The following FRMD4A variants were observed in gnomAD, a reference collection of about 807,000 sequenced individuals.
FRMD4A encodes the protein FERM domain-containing protein 4A.
Under a neutral mutation model 129.1 loss-of-function variants are expected in FRMD4A, and 29 were observed. That is an observed-to-expected ratio of 0.22 (90% confidence interval 0.17 to 0.31). The LOEUF is 0.31. FRMD4A is among the 10% of genes least tolerant of loss of function. FRMD4A has a pLI of 1.00. For synonymous variants in FRMD4A, 634 were observed against 571.6 expected (o/e 1.11, Z -1.56); for missense variants, 1,272 against 1,375.8 (o/e 0.92, Z 1.19).
At position 14,294,660 on chromosome 10, in the gene FRMD4A, C is replaced by T. The variant is rs181758932; in HGVS notation, c.45+35398G>A. 3.7e-4 allele frequency among the ~76,000 whole-genome samples: 56 copies of T among 152,358 alleles called. No individual in the cohort carries two copies. The East Asian group carries it at 9.1e-3, about 25-fold the overall frequency. ...TTTTCTCTACAACAGTGAGCACATT[C>T]TGCATTGCGTTAACCTGCTGACACT... On this transcript the variant is annotated intron_variant, in intron 2 of 24. Transcript: ENST00000357447.
At chr10:13,736,834 A>G (rs1240381109) in intron 12 of FRMD4A, among the ~76,000 whole-genome samples, 1 of 152,262 alleles carries the variant, frequency 6.6e-6, no homozygotes, top group Non-Finnish European at 1.5e-5. Context: ...TCTGAATGAT[A>G]GCACTCGCCT....
chr10:14,029,301 G>T (rs1418127819), intron 2 of FRMD4A, among the ~76,000 whole-genome samples: 1 of 151,890 alleles, frequency 6.6e-6, no homozygotes, highest in Non-Finnish European at 1.5e-5. Context: ...GCATGAAGCT[G>T]GTCTCTCCTT....
chr10:13,817,651 C>G (rs950942011), intron 3 of FRMD4A, among the ~76,000 whole-genome samples: 1 of 152,224 alleles, frequency 6.6e-6, no homozygotes, highest in Non-Finnish European at 1.5e-5. Context: ...TTCCCCTGCA[C>G]AAGCTCTCTT....
chr10:13,707,707 A>G, intron 12 of FRMD4A: 1 of 985,546 alleles, frequency 1.0e-6, no homozygotes, highest in Non-Finnish European at 1.2e-6. Context: ...GGGGCAGGCA[A>G]CTCAAGATCA....
chr10:14,297,078 C>A (rs1202108854), intron 2 of FRMD4A, among the ~76,000 whole-genome samples: 1 of 152,118 alleles, frequency 6.6e-6, no homozygotes, highest in Non-Finnish European at 1.5e-5. Flanking sequence ...CAAAAACAAT[C>A]CTGCCAGATC....
rs66980805 is a variant in FRMD4A at position 13,925,566 on chromosome 10, C to CTTTT, written c.46-66658_46-66655dup. On this transcript the variant is annotated intron_variant, in intron 2 of 24. Transcript: ENST00000357447. The stretch of plus-strand genomic sequence containing the variant: ...TGAAAGTTTCTATTGTAGTGAAACG[C>CTTTT]TTTTTTTTTTTTTTTTTTTTTTTTT... 7.2e-3 allele frequency among the ~76,000 whole-genome samples: 448 copies of CTTTT among 61,906 alleles called. 58 individuals carry two copies. Among genetic ancestry groups the CTTTT allele is most frequent in the Non-Finnish European group, 8.2e-3 (309 of 37,588 alleles). 40.6% of individuals were successfully genotyped at this position (61,906 alleles called of 152,430 possible).
At chr10:14,141,161 G>A (rs2895590) in intron 2 of FRMD4A, among the ~76,000 whole-genome samples, 51,392 of 151,678 alleles carry the variant, frequency 0.34, 9,394 homozygotes, top group East Asian at 0.58. Context: ...GTGCTTTATC[G>A]GGTACCTGTA....
chr10:13,925,735 C>A (rs2095126633), intron 2 of FRMD4A, among the ~76,000 whole-genome samples: 1 of 151,488 alleles, frequency 6.6e-6, no homozygotes, highest in African/African-American at 2.4e-5. Flanking sequence ...AGGCACGCAC[C>A]ACCACGCCTG....
At chr10:13,811,097 A>G (rs1445225210) in intron 3 of FRMD4A, among the ~76,000 whole-genome samples, 189 bp from the exon 4 acceptor site, 2 of 152,092 alleles carry the variant, frequency 1.3e-5, no homozygotes, top group Admixed American at 1.3e-4. Context: ...GTCAAGGGTC[A>G]TCAACAGATA....
intron 2 of FRMD4A, among the ~76,000 whole-genome samples, chr10:14,055,474 C>T: frequency 7.4e-6 from 1 of 134,880 alleles, no homozygotes; most frequent in Admixed American, 7.0e-5. Context: ...CACACACACA[C>T]ACACACACAC....
intron 2 of FRMD4A, among the ~76,000 whole-genome samples, chr10:14,065,792 G>A (rs747108458): frequency 2.6e-5 from 4 of 152,150 alleles, no homozygotes; most frequent in Non-Finnish European, 4.4e-5. Context: ...ACACTTTGTT[G>A]CTCCCCTGTG....
chr10:13,913,373 A>G (rs1419872713), intron 2 of FRMD4A, among the ~76,000 whole-genome samples: 3 of 152,224 alleles, frequency 2.0e-5, no homozygotes, highest in Non-Finnish European at 4.4e-5. Context: ...CAATGGTTGC[A>G]TGACTGTGAA....
chr10:14,330,095 A>G lies in FRMD4A; in HGVS notation c.8T>C (p.Val3Ala). The change falls in exon 2 of 25, where the codon GTG (valine) becomes GCG (alanine). Residue 3 changes from valine to alanine, a missense_variant. Val to Ala is a moderately conservative substitution (Grantham distance 64). This residue lies in a region of FRMD4A where 300 missense variants were observed against 483.6 expected (regional missense o/e 0.62). Coordinates refer to ENST00000357447, the MANE Select transcript of FRMD4A (RefSeq NM_018027.5). MA[V>A]QLVPDSALGL... The stretch of plus-strand genomic sequence containing the variant: ...GAGAGCTGAGTCGGGCACCAGCTGC[A>G]CTGCCATGGTCTCCGATTCCCATGC... 1.3e-6 allele frequency: 2 copies of G among 1,553,172 alleles called. No homozygotes were observed. Among genetic ancestry groups the G allele is most frequent in the Non-Finnish European group, 1.7e-6 (2 of 1,147,734 alleles).
At chr10:13,964,061 A>G (rs1315978265) in intron 2 of FRMD4A, among the ~76,000 whole-genome samples, 2 of 151,816 alleles carry the variant, frequency 1.3e-5, no homozygotes, top group South Asian at 4.2e-4. Context: ...GACCCTCAAC[A>G]CAGCCAACCC....
chr10:13,740,823 G>GTTTTT (rs369798483), intron 9 of FRMD4A, among the ~76,000 whole-genome samples: 4,205 of 104,918 alleles, frequency 0.04, 669 homozygotes, highest in African/African-American at 0.086. Context: ...TGTCTTGGAT[G>GTTTTT]TTTGTTTTTT....
intron 16 of FRMD4A, among the ~76,000 whole-genome samples, chr10:13,672,615 T>G (rs1178054652): frequency 6.6e-6 from 1 of 152,162 alleles, no homozygotes; most frequent in African/African-American, 2.4e-5. Context: ...TTAATCTGAT[T>G]TCATGTGTAA....
At chr10:13,697,581 C>T (rs2086351083) in intron 14 of FRMD4A, among the ~76,000 whole-genome samples, 1 of 152,076 alleles carries the variant, frequency 6.6e-6, no homozygotes, top group Admixed American at 6.5e-5. Flanking sequence ...TTAAGGAGTC[C>T]CCAGACTCTG....
Position 13,663,524 on chromosome 10 carries a change from A to G in FRMD4A, c.1604-15T>C. On this transcript the variant is annotated splice_polypyrimidine_tract_variant and intron_variant, in intron 18 of 24. Transcript: ENST00000357447. ...AATGTTTCCATCTGAGAAGACAAAA[A>G]GCAATAGCCTATGAGTTCAGCACAT... 1 of 1,394,746 alleles carries G rather than the reference A, an allele frequency of 7.2e-7. No homozygotes were observed. Among genetic ancestry groups the G allele is most frequent in the Non-Finnish European group, 1.0e-6 (1 of 979,336 alleles). The allele number at this position is 1,394,746 out of a possible 1,614,324, so 86.4% of individuals were successfully genotyped here.
At chr10:13,706,453 C>T (rs2087454007) in intron 13 of FRMD4A, among the ~76,000 whole-genome samples, 1 of 152,144 alleles carries the variant, frequency 6.6e-6, no homozygotes, top group Admixed American at 6.5e-5. Flanking sequence ...CCCTGGTGCT[C>T]TCTGGGGTAC....
Sources: allele counts gnomAD v4.1 joint callset (sites outside exome capture counted in the v4.1 genomes callset), GRCh38; gene constraint gnomAD v4.1.1; regional missense constraint gnomAD v4.1.1; transcripts MANE v1.5; gene names NCBI Gene and HGNC (gene_info 2026-07-23, HGNC 2026-07-21).